ZNF90: variants seen among roughly 807,000 people sequenced by gnomAD.
The protein encoded by ZNF90 is zinc finger protein HTF9.
A neutral mutation model predicts 12.0 loss-of-function variants in ZNF90; 11 were observed. That is an observed-to-expected ratio of 0.92 (90% CI 0.58 to 1.52). The LOEUF (loss-of-function observed/expected upper bound fraction) is 1.52. Ranked by LOEUF, ZNF90 falls within the 40% of genes most tolerant of loss-of-function variation. The probability of loss-of-function intolerance (pLI) is 0.00; values close to 1 mark genes in which losing one functional copy is unlikely to be tolerated. For missense variants in ZNF90, 765 were observed against 711.5 expected (o/e 1.08, Z -0.86); for synonymous variants, 232 against 240.1 (o/e 0.97, Z 0.31).
intron 3 of ZNF90, among the ~76,000 whole-genome samples, chr19:20,116,046 T>C (rs1599655267): frequency 6.6e-6 from 1 of 152,188 alleles, no homozygotes; most frequent in Non-Finnish European, 1.5e-5. Context: ...TAAGTTTTTG[T>C]ATTTTTAGTA....
chr19:20,111,810 T>C (rs149676977), intron 3 of ZNF90, among the ~76,000 whole-genome samples: 1 of 152,290 alleles, frequency 6.6e-6, no homozygotes, highest in East Asian at 1.9e-4. Context: ...ATTTTCAGCT[T>C]ATAATTGATA....
chr19:20,107,198 G>A, intron 3 of ZNF90: 1 of 352,920 alleles, frequency 2.8e-6, no homozygotes, highest in South Asian at 2.1e-5. Flanking sequence ...ATGTCTTCAT[G>A]CCTGCCTGTA....
intron 1 of ZNF90, among the ~76,000 whole-genome samples, chr19:20,101,210 T>C (rs2088987222): frequency 6.6e-6 from 1 of 152,216 alleles, no homozygotes; most frequent in Non-Finnish European, 1.5e-5. Context: ...TGTTCCTGCA[T>C]GGCTAAGTGC....
intron 1 of ZNF90, among the ~76,000 whole-genome samples, chr19:20,100,274 A>T (rs1403639160): frequency 6.6e-6 from 1 of 152,216 alleles, no homozygotes; most frequent in African/African-American, 2.4e-5. Flanking sequence ...TTAGGCATTG[A>T]TAGCACCCAT....
chr19:20,108,608 G>A (rs1183359218), intron 3 of ZNF90, among the ~76,000 whole-genome samples: 2 of 151,940 alleles, frequency 1.3e-5, no homozygotes, highest in Admixed American at 1.3e-4. Context: ...ATGAGCCACC[G>A]TGCCTGGCCT....
chr19:20,080,436 T>A (rs540885767), intron 1 of ZNF90: 1 of 324,536 alleles, frequency 3.1e-6, no homozygotes, highest in African/African-American at 2.2e-5. Context: ...AATCTTGGTG[T>A]TGGCAGCCGG....
chr19:20,111,555 A>C (rs1471968944), intron 3 of ZNF90, among the ~76,000 whole-genome samples: 3 of 152,086 alleles, frequency 2.0e-5, no homozygotes, highest in African/African-American at 7.2e-5. Flanking sequence ...TTAAAGAAAA[A>C]TTACCAGTTA....
intron 1 of ZNF90, among the ~76,000 whole-genome samples, chr19:20,078,982 G>A (rs1009982375): frequency 3.3e-5 from 5 of 151,778 alleles, no homozygotes; most frequent in African/African-American, 1.2e-4. Context: ...AGCCTGGAGT[G>A]GTGCCAAGCG....
In ZNF90 at chr19:20,118,926, T is replaced by C. The variant is rs782751196; in HGVS notation, c.1372T>C (p.Cys458Arg). 16 of 1,613,548 alleles carry C rather than the reference T, an allele frequency of 9.9e-6. No homozygotes were observed. Among genetic ancestry groups the C allele is most frequent in the Admixed American group, 3.3e-5 (2 of 59,900 alleles). ...SGEKPYKCEE[C>R]GKAFKRSSNL... ...AGAGAAACCCTACAAATGTGAAGAA[T>C]GTGGCAAAGCCTTCAAGCGCTCCTC... The change falls in exon 4 of 4, where the codon TGT becomes CGT. Residue 458 changes from cysteine (C) to arginine (R), a missense_variant. Cys to Arg is a radical substitution (Grantham distance 180). Transcript: ENST00000418063.
At position 20,118,951 on chromosome 19, in the gene ZNF90, C is replaced by G. The variant is rs782468341; in HGVS notation, c.1397C>G (p.Ser466Ter). The G allele has an allele frequency of 1.2e-6, 2 of 1,612,694 alleles. No homozygotes were observed. The highest frequency in any genetic ancestry group is 1.7e-6 in the Non-Finnish European group (2 of 1,179,242). ...EECGKAFKRS[S>*]NLTTHKISHT... is the part of the protein sequence containing the mutation. ...TGTGGCAAAGCCTTCAAGCGCTCCT[C>G]AAACCTTACTACACATAAGATAAGT... is the stretch of plus-strand genomic sequence containing the variant. The change falls in exon 4 of 4, where the codon TCA (serine) becomes TGA (stop). Residue 466 changes from serine (S) to a stop codon, truncating the protein, a stop_gained. Transcript: ENST00000418063. LOFTEE classifies it low-confidence loss of function (END_TRUNC).
At chr19:20,083,390 C>T (rs1408810949) in intron 1 of ZNF90, among the ~76,000 whole-genome samples, 4 of 151,862 alleles carry the variant, frequency 2.6e-5, no homozygotes, top group African/African-American at 4.8e-5. Context: ...TGTAATGTTG[C>T]GATCTCGGCT....
At chr19:20,105,155 G>A in intron 2 of ZNF90, 66 bp from the exon 3 acceptor site, 1 of 1,250,238 alleles carries the variant, frequency 8.0e-7, no homozygotes, top group Non-Finnish European at 1.1e-6. Flanking sequence ...TCTCTGCTGA[G>A]CACAGTACTA....
chr19:20,110,652 G>A (rs1336187063), intron 3 of ZNF90, among the ~76,000 whole-genome samples: 4 of 152,094 alleles, frequency 2.6e-5, no homozygotes, highest in African/African-American at 9.7e-5. Flanking sequence ...TTCCACCAAC[G>A]TTTAACATGG....
At chr19:20,108,731 C>CTTTTTTTT (rs10626180) in intron 3 of ZNF90, among the ~76,000 whole-genome samples, 10 of 119,930 alleles carry the variant, frequency 8.3e-5, no homozygotes, top group Admixed American at 1.9e-4. Context: ...GTAGGTTTCT[C>CTTTTTTTT]TTTTTTTTTT....
Position 20,104,306 on chromosome 19 carries a change from C to A in ZNF90, c.71C>A (p.Ala24Glu). ...GAGGAGTGGCATTGCCTGGACACTGCACAGCAGAATTTATATAGGGATGTG... is the reference window on the plus strand; with the variant it reads ...GAGGAGTGGCATTGCCTGGACACTGAACAGCAGAATTTATATAGGGATGTG... ...SLEEWHCLDTAQQNLYRDVML... is the reference protein window; with the variant it reads ...SLEEWHCLDTEQQNLYRDVML... Residue 24 changes from alanine (A) to glutamate (E), a missense_variant, in exon 2 of 4, where the codon GCA becomes GAA. Physicochemically the swap from Ala to Glu is moderately radical, Grantham distance 107. Transcript: ENST00000418063. The A allele has an allele frequency of 6.2e-7, 1 of 1,613,984 alleles. No individual in the cohort carries two copies. Among genetic ancestry groups the A allele is most frequent in the South Asian group, 1.1e-5 (1 of 91,072 alleles).
At chr19:20,079,115 C>CAA (rs139573879) in intron 1 of ZNF90, among the ~76,000 whole-genome samples, 961 of 68,626 alleles carry the variant, frequency 0.014, 16 homozygotes, top group African/African-American at 0.039. Context: ...GGAGAGTCCT[C>CAA]AAAAAAAAAA....
intron 3 of ZNF90, among the ~76,000 whole-genome samples, chr19:20,113,811 G>A (rs2089112990): frequency 6.6e-6 from 1 of 152,060 alleles, no homozygotes; most frequent in Non-Finnish European, 1.5e-5. Flanking sequence ...CTGAGGGACA[G>A]AGTGAGACCT....
At position 20,118,694 on chromosome 19, in the gene ZNF90, A is replaced by C; in HGVS notation, c.1140A>C (p.Ser380=). Residue 380 remains serine (S), a synonymous_variant, in exon 4 of 4, where the codon TCA becomes TCC. Coordinates refer to ENST00000418063, the MANE Select transcript of ZNF90 (RefSeq NM_007138.2). ...ATAAATGTGGCAAAGCATTTATTTC[A>C]TCCTCACTCCTTTATAAACATAAGA... is the stretch of plus-strand genomic sequence containing the variant. ...KCDKCGKAFI[S]SSLLYKHKIS... is the part of the protein sequence containing the mutation. The C allele has an allele frequency of 1.3e-6, 2 of 1,565,646 alleles. No individual in the cohort carries two copies. Among genetic ancestry groups the C allele is most frequent in the Non-Finnish European group, 1.7e-6 (2 of 1,156,176 alleles).
intron 1 of ZNF90, among the ~76,000 whole-genome samples, chr19:20,101,525 T>A (rs1385550239): frequency 1.3e-5 from 2 of 152,252 alleles, no homozygotes; most frequent in African/African-American, 2.4e-5. Flanking sequence ...AAGGAGAAAC[T>A]TTTATTTTTA....
Sources: gnomAD v4.1 joint callset for allele counts (sites outside exome capture counted in the v4.1 genomes callset) on GRCh38, gnomAD v4.1.1 for gene constraint, MANE v1.5 for transcripts, NCBI Gene and HGNC (gene_info 2026-07-23, HGNC 2026-07-21) for gene names.